Variants in FGF3 observed in about 807,000 individuals in gnomAD.
FGF3 encodes the protein fibroblast growth factor 3.
FGF3 carries 7 observed loss-of-function variants against 9.8 expected under a neutral mutation model. The ratio of observed to expected loss-of-function variants is 0.72; its 90% CI spans 0.41 to 1.35. The LOEUF (loss-of-function observed/expected upper bound fraction) is 1.35. Among genes scored for constraint, FGF3 ranks in the 40% most tolerant of loss-of-function variants. The pLI, the probability that FGF3 is intolerant of heterozygous loss-of-function variation, is 0.01. For missense variants in FGF3, 390 were observed against 345.6 expected (o/e 1.13, Z -1.02); for synonymous variants, 173 against 157.2 (o/e 1.10, Z -0.75).
chr11:69,810,481 C>A lies in FGF3; in HGVS notation c.544G>T (p.Val182Leu). 1.9e-6 allele frequency: 3 copies of A among 1,607,188 alleles called. No homozygotes were observed. The highest frequency in any genetic ancestry group is 2.5e-6 in the Non-Finnish European group (3 of 1,177,228). Residue 182 changes from valine to leucine, a missense_variant, in exon 3 of 3, where the codon GTG (valine) becomes TTG (leucine). Val to Leu is a conservative substitution (Grantham distance 32, BLOSUM62 1). Transcript: ENST00000334134. ...ATCTCGTGGTCCCTGTGGTCCAGCA[C>A]GCGGGGCAGGAACAGGGAGGACTTC... ...TQKSSLFLPR[V>L]LDHRDHEMVR... is the part of the protein sequence containing the mutation.
chr11:69,813,812 ATGGGTGGATGGG>A (rs1856077326), intron 2 of FGF3, among the ~76,000 whole-genome samples: 4 of 76,880 alleles, frequency 5.2e-5, no homozygotes, highest in Non-Finnish European at 8.9e-5. Flanking sequence ...GGATGGGTGG[ATGGGTGGATGGG>A]TGGATGGGTG....
rs1554981372 is a variant in FGF3 at position 69,818,694 on chromosome 11, C to G, written c.220+20G>C. On this transcript the variant is annotated intron_variant, in intron 1 of 2. Transcript: ENST00000334134. ...TCCCGGCGCCGCTTCCCCCGGGGCC[C>G]CGCAGCGTCCGGCACTCACTGTAGG... The G allele has an allele frequency of 6.9e-7, 1 of 1,459,796 alleles. No individual in the cohort carries two copies. Among genetic ancestry groups the G allele is most frequent in the South Asian group, 1.3e-5 (1 of 76,198 alleles). 90.4% of individuals were successfully genotyped at this position (1,459,796 alleles called of 1,614,324 possible). A position where few individuals can be genotyped will look rare whatever the true frequency, so the allele number is the denominator to read the frequency against.
chr11:69,816,279 C>A, intron 2 of FGF3, 41 bp downstream of exon 2: 4 of 1,479,812 alleles, frequency 2.7e-6, no homozygotes, highest in Non-Finnish European at 3.8e-6. Flanking sequence ...GGCCAGACCG[C>A]TACTCCGTCA....
At chr11:69,812,899 G>A (rs1487188181) in intron 2 of FGF3, among the ~76,000 whole-genome samples, 1 of 152,312 alleles carries the variant, frequency 6.6e-6, no homozygotes, top group Non-Finnish European at 1.5e-5. Context: ...CTCCCAAGGT[G>A]GGAGATTGGG....
At chr11:69,816,741 C>T (rs555737581) in intron 1 of FGF3, among the ~76,000 whole-genome samples, 2 of 152,344 alleles carry the variant, frequency 1.3e-5, no homozygotes, top group Admixed American at 6.5e-5. Flanking sequence ...CATCATCATC[C>T]GACAGACAAG....
At position 69,811,097 on chromosome 11, in the gene FGF3, T is replaced by A. The variant is rs1856023357; in HGVS notation, c.325-397A>T. On this transcript the variant is annotated intron_variant, in intron 2 of 2. Coordinates refer to ENST00000334134, the MANE Select transcript of FGF3 (RefSeq NM_005247.4). Reference sequence around the variant, plus strand: ...TGGCAGTCTGCTGGCAGTGTGGAGGTCAGCAAGGACTGGGCATTTGGACAA... The same window carrying A: ...TGGCAGTCTGCTGGCAGTGTGGAGGACAGCAAGGACTGGGCATTTGGACAA... Among the ~76,000 whole-genome samples the A allele has an allele frequency of 2.6e-5, 4 of 151,982 alleles. No individual in the cohort carries two copies. The South Asian group carries it at 8.3e-4, about 32-fold the overall frequency.
intron 1 of FGF3, chr11:69,817,515 G>C (rs1222485701): frequency 6.6e-6 from 1 of 152,276 alleles, no homozygotes; most frequent in Non-Finnish European, 1.5e-5. Flanking sequence ...GCGACTCCGA[G>C]GGGGAGCCTG....
At chr11:69,815,282 G>GTGGATGGGTGGATGAGTGGA (rs1856110682) in intron 2 of FGF3, among the ~76,000 whole-genome samples, 2 of 149,864 alleles carry the variant, frequency 1.3e-5, no homozygotes, top group African/African-American at 2.5e-5. Flanking sequence ...GGATGGATGG[G>GTGGATGGGTGGATGAGTGGA]TGGATGGGTG....
chr11:69,814,338 G>C lies in FGF3; in HGVS notation c.324+1982C>G, dbSNP rs139571416. 7.5e-3 allele frequency among the ~76,000 whole-genome samples: 1,139 copies of C among 152,084 alleles called. 14 individuals carry two copies. In the Middle Eastern group the frequency reaches 0.095, roughly 13 times the overall value. ...AGGGATGGACTGAATAGCAGGAGGG[G>C]TCTACCATGACTCCCAGCCCACTCT... is the stretch of plus-strand genomic sequence containing the variant. On this transcript the variant is annotated intron_variant, in intron 2 of 2. Transcript: ENST00000334134.
At position 69,810,645 on chromosome 11, in the gene FGF3, T is replaced by G; in HGVS notation, c.380A>C (p.Asn127Thr). The change falls in exon 3 of 3, where the codon AAT becomes ACT. Residue 127 changes from asparagine (N) to threonine (T), a missense_variant. Asn to Thr is a moderately conservative substitution (Grantham distance 65). Transcript: ENST00000334134. ...FVERIHELGY[N>T]TYASRLYRTV... is the part of the protein sequence containing the mutation. ...CCGGTACAGCCGGGAGGCATACGTA[T>G]TATAGCCCAGCTCGTGGATCCGCTC... 1 of 1,596,558 alleles carries G rather than the reference T, an allele frequency of 6.3e-7. No homozygotes were observed. Among genetic ancestry groups the G allele is most frequent in the Middle Eastern group, 1.7e-4 (1 of 6,000 alleles).
At chr11:69,813,648 G>GTGGATGGC (rs1856065682) in intron 2 of FGF3, among the ~76,000 whole-genome samples, 1 of 80,818 alleles carries the variant, frequency 1.2e-5, no homozygotes, top group African/African-American at 4.8e-5. Context: ...GGGTGGATGG[G>GTGGATGGC]TGGATGGATG....
At chr11:69,811,119 A>G (rs1856023505) in intron 2 of FGF3, among the ~76,000 whole-genome samples, 1 of 152,218 alleles carries the variant, frequency 6.6e-6, no homozygotes, top group Non-Finnish European at 1.5e-5. Flanking sequence ...GGGCATTTGG[A>G]CAAAGGAAGA....
Position 69,813,918 on chromosome 11 carries a change from G to A in FGF3, c.324+2402C>T, listed in dbSNP as rs377552029. The stretch of plus-strand genomic sequence containing the variant: ...TGGCTGGATGGATGGGTGGATTGCT[G>A]GATGGATTGGTGGATGGGTTGATGG... On this transcript the variant is annotated intron_variant, in intron 2 of 2. Coordinates refer to ENST00000334134, the MANE Select transcript of FGF3 (RefSeq NM_005247.4). Among the ~76,000 whole-genome samples, 24 of 140,216 alleles carry A rather than the reference G, an allele frequency of 1.7e-4. No homozygotes were observed. The East Asian group carries it at 2.2e-3, about 13-fold the overall frequency. 92.0% of individuals were successfully genotyped at this position (140,216 alleles called of 152,430 possible).
chr11:69,813,618 G>T (rs374408668), intron 2 of FGF3, among the ~76,000 whole-genome samples: 24 of 44,848 alleles, frequency 5.4e-4, no homozygotes, highest in African/African-American at 2.1e-3. Flanking sequence ...ATGGATGGGT[G>T]GATGGATGGA....
At chr11:69,818,095 AT>A (rs143709879) in intron 1 of FGF3, among the ~76,000 whole-genome samples, 29,961 of 151,790 alleles carry the variant, frequency 0.2, 3,623 homozygotes, top group East Asian at 0.4. Flanking sequence ...AGCGCGGGGA[AT>A]AACTGTCGGT....
At chr11:69,813,663 G>T (rs1263231587) in intron 2 of FGF3, among the ~76,000 whole-genome samples, 1 of 132,002 alleles carries the variant, frequency 7.6e-6, no homozygotes, top group Non-Finnish European at 1.7e-5. Flanking sequence ...TGGATGGATG[G>T]GTGGATGGCT....
intron 2 of FGF3, among the ~76,000 whole-genome samples, chr11:69,811,444 C>A (rs1856028373): frequency 8.5e-6 from 1 of 117,306 alleles, no homozygotes; most frequent in Admixed American, 9.2e-5. Flanking sequence ...GAGCAAAACT[C>A]TGACTCAAAA....
At chr11:69,816,509 C>A in intron 1 of FGF3, 86 bp from the exon 2 acceptor site, 1 of 1,021,678 alleles carries the variant, frequency 9.8e-7, no homozygotes, top group Non-Finnish European at 1.5e-6. Flanking sequence ...AAGCCACACC[C>A]CGGGCTCAGG....
chr11:69,816,488 G>A, intron 1 of FGF3, 65 bp from the exon 2 acceptor site: 1 of 1,299,852 alleles, frequency 7.7e-7, no homozygotes, highest in Admixed American at 1.7e-5. Context: ...AGGCCCAGCT[G>A]GCCCTGCCCA....
Sources: allele counts gnomAD v4.1 joint callset (sites outside exome capture counted in the v4.1 genomes callset), GRCh38; gene constraint gnomAD v4.1.1; transcripts MANE v1.5; gene names NCBI Gene and HGNC (gene_info 2026-07-23, HGNC 2026-07-21).